The following ACYP2 variants were observed in gnomAD, a reference collection of about 807,000 sequenced individuals.
ACYP2 encodes acylphosphatase 2.
ACYP2 carries 12 observed loss-of-function variants against 11.2 expected under a neutral mutation model. That is an observed-to-expected ratio of 1.08 (90% confidence interval 0.69 to 1.74). ACYP2 has a LOEUF of 1.74. ACYP2 is among the 40% of genes most tolerant of loss of function. ACYP2 has a pLI of 0.00. For missense variants in ACYP2, 134 were observed against 101.9 expected, an observed-to-expected ratio of 1.31 and a Z score of -1.35; for synonymous variants, 43 against 32.2, an observed-to-expected ratio of 1.33 and a Z score of -1.13.
intron 6 of ACYP2, among the ~76,000 whole-genome samples, chr2:54,275,160 T>A (rs546864948): frequency 6.6e-6 from 1 of 152,362 alleles, no homozygotes; most frequent in Non-Finnish European, 1.5e-5. Flanking sequence ...ATGATTCAGC[T>A]CTAGTGGATG....
intron 6 of ACYP2, among the ~76,000 whole-genome samples, chr2:54,175,512 T>G (rs1683421625): frequency 1.3e-5 from 2 of 152,126 alleles, no homozygotes; most frequent in African/African-American, 2.4e-5. Context: ...TTTGAAGCAT[T>G]TTTTGTATCT....
At chr2:54,139,795 TTCTG>T (rs139204440) in intron 6 of ACYP2, among the ~76,000 whole-genome samples, 5,009 of 152,274 alleles carry the variant, frequency 0.033, 251 homozygotes, top group East Asian at 0.25. Flanking sequence ...ATGTGTACTT[TTCTG>T]TCTATTTCCC....
At chr2:54,048,795 CAA>C (rs1268163894) in intron 2 of ACYP2, among the ~76,000 whole-genome samples, 1 of 152,196 alleles carries the variant, frequency 6.6e-6, no homozygotes, top group Non-Finnish European at 1.5e-5. Flanking sequence ...TAGACACTGA[CAA>C]GAGGAAGTGA....
chr2:54,250,126 A>G (rs932875812), intron 6 of ACYP2, among the ~76,000 whole-genome samples: 1 of 151,942 alleles, frequency 6.6e-6, no homozygotes, highest in South Asian at 2.1e-4. Flanking sequence ...TACCTTTTCC[A>G]TCCTCATCTA....
rs374292165 is a variant in ACYP2 at position 53,983,115 on chromosome 2, A to G, written c.62+9305A>G. Among the ~76,000 whole-genome samples, 35 of 152,282 alleles carry G rather than the reference A, an allele frequency of 2.3e-4. No homozygotes were observed. In the East Asian group the frequency reaches 6.4e-3, roughly 28 times the overall value. Reference sequence around the variant, plus strand: ...TGTTCTGGTTATGTAGAACAGGGGTACCTGGACTAGGATGCAAGGCCTAGA... The same window carrying G: ...TGTTCTGGTTATGTAGAACAGGGGTGCCTGGACTAGGATGCAAGGCCTAGA... On this transcript the variant is annotated intron_variant, in intron 2 of 6. Coordinates refer to ENST00000607452, the MANE Select transcript of ACYP2 (RefSeq NM_001320586.2).
intron 2 of ACYP2, among the ~76,000 whole-genome samples, chr2:53,996,644 C>T (rs1276928415): frequency 6.6e-6 from 1 of 152,138 alleles, no homozygotes; most frequent in Non-Finnish European, 1.5e-5. Flanking sequence ...TCCAAAGGTG[C>T]TGCAGCTGAT....
chr2:54,116,166 A>C (rs1455603294), intron 4 of ACYP2, among the ~76,000 whole-genome samples: 1 of 152,164 alleles, frequency 6.6e-6, no homozygotes, highest in Non-Finnish European at 1.5e-5. Flanking sequence ...TAGATGGTTT[A>C]AGGTTAATTT....
chr2:54,159,615 G>A (rs902654337), intron 6 of ACYP2, among the ~76,000 whole-genome samples: 1 of 152,124 alleles, frequency 6.6e-6, no homozygotes. Flanking sequence ...AGGGGCATAA[G>A]ATGATTAAAG....
chr2:54,204,429 G>A (rs1289169942), intron 6 of ACYP2, among the ~76,000 whole-genome samples: 5 of 151,750 alleles, frequency 3.3e-5, no homozygotes, highest in African/African-American at 1.2e-4. Context: ...GGACACCCCT[G>A]GATTATATCT....
intron 6 of ACYP2, among the ~76,000 whole-genome samples, chr2:54,160,251 A>G (rs1167254886): frequency 6.6e-6 from 1 of 152,150 alleles, no homozygotes; most frequent in African/African-American, 2.4e-5. Context: ...CCCAGCTTCA[A>G]GTGCACCCAC....
intron 3 of ACYP2, among the ~76,000 whole-genome samples, chr2:54,055,017 T>C (rs950396684): frequency 1.3e-5 from 2 of 152,184 alleles, no homozygotes; most frequent in Non-Finnish European, 2.9e-5. Flanking sequence ...GAGCTGGCTA[T>C]GCAACAACTG....
rs1156728992 is a variant in ACYP2, at chr2:54,010,114, A to T, written c.62+36304A>T. ...TTTACATTTAAAATCTTGGAGGTTGAGCAGATTTGATATCCTAGGAAGGTG... is the reference window on the plus strand; with the variant it reads ...TTTACATTTAAAATCTTGGAGGTTGTGCAGATTTGATATCCTAGGAAGGTG... On this transcript the variant is annotated intron_variant, in intron 2 of 6. Coordinates refer to ENST00000607452, the MANE Select transcript of ACYP2 (RefSeq NM_001320586.2). 2.0e-5 allele frequency among the ~76,000 whole-genome samples: 3 copies of T among 152,182 alleles called. No individual in the cohort carries two copies. In the East Asian group the frequency reaches 5.8e-4, roughly 29 times the overall value.
At chr2:54,273,745 T>C (rs190799102) in intron 6 of ACYP2, among the ~76,000 whole-genome samples, 1 of 152,320 alleles carries the variant, frequency 6.6e-6, no homozygotes, top group East Asian at 1.9e-4. Context: ...ATTACAGGCA[T>C]GAGCCCTCGC....
At chr2:54,051,971 C>T (rs746487100) in intron 3 of ACYP2, among the ~76,000 whole-genome samples, 1 of 151,898 alleles carries the variant, frequency 6.6e-6, no homozygotes, top group Non-Finnish European at 1.5e-5. Flanking sequence ...CACTTGAATC[C>T]AGGAGGCAGA....
intron 6 of ACYP2, among the ~76,000 whole-genome samples, chr2:54,272,111 G>A (rs1239790335): frequency 6.6e-6 from 1 of 152,060 alleles, no homozygotes; most frequent in Non-Finnish European, 1.5e-5. Flanking sequence ...ACTTCATATC[G>A]ACCATCTTGC....
intron 6 of ACYP2, among the ~76,000 whole-genome samples, chr2:54,144,499 C>T (rs1381278435): frequency 6.6e-6 from 1 of 151,882 alleles, no homozygotes; most frequent in Non-Finnish European, 1.5e-5. Context: ...CATGGTGAAA[C>T]CCCGTCTCTA....
intron 6 of ACYP2, among the ~76,000 whole-genome samples, chr2:54,185,431 T>C (rs1683937989): frequency 6.6e-6 from 1 of 152,192 alleles, no homozygotes; most frequent in Admixed American, 6.5e-5. Flanking sequence ...TTGAGGGCCA[T>C]TGTTTTGGGA....
chr2:54,087,309 T>C (rs1677994721), intron 4 of ACYP2, among the ~76,000 whole-genome samples: 1 of 152,230 alleles, frequency 6.6e-6, no homozygotes, highest in Non-Finnish European at 1.5e-5. Context: ...TAAATGTTTC[T>C]AATCTTCTTG....
chr2:54,149,809 A>G (rs1682062784), intron 6 of ACYP2, among the ~76,000 whole-genome samples: 2 of 152,248 alleles, frequency 1.3e-5, no homozygotes, highest in South Asian at 4.1e-4. Context: ...TGAAATGGTT[A>G]CATGGCCTGG....
Sources: allele counts gnomAD v4.1 joint callset (sites outside exome capture counted in the v4.1 genomes callset), GRCh38; gene constraint gnomAD v4.1.1; transcripts MANE v1.5; gene names NCBI Gene and HGNC (gene_info 2026-07-23, HGNC 2026-07-21).